The following EVI5 variants were observed in gnomAD, a reference collection of about 807,000 sequenced individuals.
The protein encoded by EVI5 is ecotropic viral integration site 5 protein homolog.
EVI5 carries 73 observed loss-of-function variants against 112.0 expected under a neutral mutation model. That is an observed-to-expected ratio of 0.65 (90% CI 0.54 to 0.79). The LOEUF (loss-of-function observed/expected upper bound fraction) is 0.79. Among genes scored for constraint, EVI5 ranks in the 30% least tolerant of loss-of-function variants. The probability of loss-of-function intolerance (pLI) is 0.00; values close to 1 mark genes in which losing one functional copy is unlikely to be tolerated. For synonymous variants in EVI5, 305 were observed against 319.9 expected, an observed-to-expected ratio of 0.95 and a Z score of 0.50; for missense variants, 900 against 968.8, an observed-to-expected ratio of 0.93 and a Z score of 0.94.
At chr1:92,593,342 A>C (rs946843438) in intron 18 of EVI5, among the ~76,000 whole-genome samples, 2 of 152,238 alleles carry the variant, frequency 1.3e-5, no homozygotes, top group African/African-American at 2.4e-5. Context: ...CATAAGATGC[A>C]GAAAAGGCCT....
chr1:92,733,028 T>A (rs1676741685), intron 2 of EVI5: 1 of 155,788 alleles, frequency 6.4e-6, no homozygotes, highest in African/African-American at 2.5e-5. Context: ...GCCTGGGCAA[T>A]ACAGTGAGAC....
At chr1:92,757,151 G>A (rs370646592) in intron 1 of EVI5, among the ~76,000 whole-genome samples, 17 of 152,132 alleles carry the variant, frequency 1.1e-4, no homozygotes, top group African/African-American at 3.4e-4. Context: ...ACACTTTGAC[G>A]GTGCGTGTGT....
At chr1:92,616,545 T>C (rs4847234) in intron 16 of EVI5, among the ~76,000 whole-genome samples, 140,071 of 152,022 alleles carry the variant, frequency 0.92, 64,619 homozygotes, top group East Asian at 0.97. Context: ...TGATAGGAAG[T>C]CTGCTCATTC....
chr1:92,736,515 G>T lies in EVI5; in HGVS notation c.32C>A (p.Ser11Ter). The change falls in exon 2 of 20, where the codon TCA (serine) becomes TAA (stop). Residue 11 changes from serine (S) to a stop codon, truncating the protein, a stop_gained. Coordinates refer to ENST00000684568, the MANE Select transcript of EVI5 (RefSeq NM_001350197.2). LOFTEE classifies it high-confidence loss of function. MASQVASPST[S>*]LHTTSSSTTL... ...GGTAGATGAGGATGTGGTATGTAAT[G>T]AAGTAGATGGACTTGCCACCTGACT... 2 of 1,613,732 alleles carry T rather than the reference G, an allele frequency of 1.2e-6. No homozygotes were observed. Among genetic ancestry groups the T allele is most frequent in the Non-Finnish European group, 1.7e-6 (2 of 1,179,684 alleles).
chr1:92,675,717 G>A (rs991868056), intron 10 of EVI5, among the ~76,000 whole-genome samples: 9 of 152,106 alleles, frequency 5.9e-5, no homozygotes, highest in Non-Finnish European at 1.2e-4. Context: ...AGCACTTTGG[G>A]AGGCTAAGGC....
At chr1:92,631,704 C>T (rs1657149768) in intron 14 of EVI5, among the ~76,000 whole-genome samples, 1 of 152,206 alleles carries the variant, frequency 6.6e-6, no homozygotes, top group Admixed American at 6.5e-5. Context: ...CTGGCCAGAA[C>T]TTCCAACACT....
chr1:92,607,383 T>C, intron 17 of EVI5, 198 bp downstream of exon 17: 1 of 421,040 alleles, frequency 2.4e-6, no homozygotes, highest in Non-Finnish European at 4.1e-6. Flanking sequence ...CTGAAAATGT[T>C]TCTTGACTAA....
At chr1:92,649,678 G>A (rs1210667939) in intron 13 of EVI5, among the ~76,000 whole-genome samples, 2 of 152,090 alleles carry the variant, frequency 1.3e-5, no homozygotes, top group African/African-American at 4.8e-5. Context: ...GCTGGGCATG[G>A]TGGCATGTGC....
chr1:92,591,344 A>G (rs544060494), intron 18 of EVI5, among the ~76,000 whole-genome samples: 39 of 152,342 alleles, frequency 2.6e-4, no homozygotes, highest in Non-Finnish European at 5.0e-4. Context: ...AAGACCCATC[A>G]GTGTGCTGTA....
Position 92,605,386 on chromosome 1 carries a change from A to T in EVI5, c.1991T>A (p.Met664Lys), listed in dbSNP as rs762486917. The change falls in exon 18 of 20, where the codon ATG (methionine) becomes AAG (lysine). Residue 664 changes from methionine to lysine, a missense_variant. Physicochemically the swap from Met to Lys is moderately conservative, Grantham distance 95. Transcript: ENST00000684568. ...ATCTGCTTCCCGAAGCCTCACAGCC[A>T]TCACTTCTTCCTTATTCTAGTGTGG... ...EIECKNKEEV[M>K]AVRLREADSI... 1 of 1,612,008 alleles carries T rather than the reference A, an allele frequency of 6.2e-7. No individual in the cohort carries two copies. The highest frequency in any genetic ancestry group is 1.3e-5 in the African/African-American group (1 of 74,906).
intron 1 of EVI5, among the ~76,000 whole-genome samples, chr1:92,772,744 A>G (rs1683592006): frequency 6.6e-6 from 1 of 151,846 alleles, no homozygotes; most frequent in Admixed American, 6.6e-5. Flanking sequence ...TGTCTCTACT[A>G]AAAATACAAA....
intron 19 of EVI5, among the ~76,000 whole-genome samples, chr1:92,536,280 A>G (rs1047214435): frequency 6.6e-6 from 1 of 152,270 alleles, no homozygotes; most frequent in Admixed American, 6.5e-5. Context: ...TCCCCCAAAA[A>G]CATTTAGTAA....
Position 92,662,846 on chromosome 1 carries a change from T to TG in EVI5, c.1264dup (p.Gln422ProfsTer4), listed in dbSNP as rs1234790825. On this transcript the variant is annotated frameshift_variant, in exon 13 of 20. Coordinates refer to ENST00000684568, the MANE Select transcript of EVI5 (RefSeq NM_001350197.2). LOFTEE classifies it high-confidence loss of function. ...TATGAGGTAGTTTTCCTCAGCCTCCTGGGCTCTTGTCACTTGTCCCTTAGG... is the reference window on the plus strand; with the variant it reads ...TATGAGGTAGTTTTCCTCAGCCTCCTGGGGCTCTTGTCACTTGTCCCTTAGG... The TG allele has an allele frequency of 7.8e-7, 1 of 1,288,006 alleles. No homozygotes were observed. Among genetic ancestry groups the TG allele is most frequent in the Non-Finnish European group, 1.0e-6 (1 of 988,450 alleles). The allele number at this position is 1,288,006 out of a possible 1,614,324, so 79.8% of individuals were successfully genotyped here. A position where few individuals can be genotyped will look rare whatever the true frequency, so the allele number is the denominator to read the frequency against.
chr1:92,791,404 A>C (rs1357977193), intron 1 of EVI5, among the ~76,000 whole-genome samples: 2 of 152,186 alleles, frequency 1.3e-5, no homozygotes, highest in African/African-American at 4.8e-5. Context: ...TATCTACTTA[A>C]GCACTGAAGT....
intron 6 of EVI5, among the ~76,000 whole-genome samples, chr1:92,696,326 T>C (rs1010995119): frequency 5.9e-5 from 9 of 151,960 alleles, no homozygotes; most frequent in African/African-American, 2.2e-4. Flanking sequence ...TTAAGAATCA[T>C]CTCAAGTCCA....
intron 10 of EVI5, among the ~76,000 whole-genome samples, chr1:92,671,982 A>AG (rs1665958915): frequency 6.6e-6 from 1 of 151,540 alleles, no homozygotes; most frequent in African/African-American, 2.4e-5. Flanking sequence ...GAAAAAAAAA[A>AG]TTTGTGGAGA....
At position 92,755,507 on chromosome 1, in the gene EVI5, A is replaced by G. The variant is rs182227111; in HGVS notation, c.-81-18880T>C. Among the ~76,000 whole-genome samples the G allele has an allele frequency of 6.5e-3, 994 of 152,356 alleles. 14 individuals are homozygous for G. Among genetic ancestry groups the G allele is most frequent in the Admixed American group, 0.03 (461 of 15,304 alleles). ...TTTTAAAGACATTATTGCTGAATAC[A>G]TTCATTCATACAGCTGTTTAGAACG... On this transcript the variant is annotated intron_variant, in intron 1 of 19. Transcript: ENST00000684568.
At chr1:92,735,211 T>C (rs1677125364) in intron 2 of EVI5, among the ~76,000 whole-genome samples, 1 of 152,170 alleles carries the variant, frequency 6.6e-6, no homozygotes, top group African/African-American at 2.4e-5. Context: ...TTCCACATGA[T>C]GGAATACTAT....
At chr1:92,788,817 A>T (rs1335949738), upstream of EVI5, among the ~76,000 whole-genome samples, 1 of 152,160 alleles carries the variant, frequency 6.6e-6, no homozygotes, top group Non-Finnish European at 1.5e-5. Flanking sequence ...ACAACAAAAA[A>T]AACCCCATAA....
Sources: gnomAD v4.1 joint callset for allele counts (sites outside exome capture counted in the v4.1 genomes callset) on GRCh38, gnomAD v4.1.1 for gene constraint, MANE v1.5 for transcripts, NCBI Gene and HGNC (gene_info 2026-07-23, HGNC 2026-07-21) for gene names.